VMP1: variants seen among roughly 807,000 people sequenced by gnomAD.
VMP1 encodes vacuole membrane protein 1, also known as ectopic P-granules autophagy protein 3 homolog.
A neutral mutation model predicts 56.0 loss-of-function variants in VMP1; 11 were observed. The ratio of observed to expected loss-of-function variants is 0.20; its 90% CI spans 0.12 to 0.32. VMP1 has a LOEUF of 0.32. Among genes scored for constraint, VMP1 ranks in the 10% least tolerant of loss-of-function variants. The pLI, the probability that VMP1 is intolerant of heterozygous loss-of-function variation, is 1.00. For synonymous variants in VMP1, 149 were observed against 165.0 expected, an observed-to-expected ratio of 0.90 and a Z score of 0.74; for missense variants, 296 against 490.3, an observed-to-expected ratio of 0.60 and a Z score of 3.74.
chr17:59,738,057 T>G (rs767394781), intron 4 of VMP1, among the ~76,000 whole-genome samples: 3 of 152,078 alleles, frequency 2.0e-5, no homozygotes, highest in Non-Finnish European at 4.4e-5. Flanking sequence ...CAGGCCACTC[T>G]GCCTGTAATC....
intron 5 of VMP1, among the ~76,000 whole-genome samples, chr17:59,762,253 GTAAA>G (rs1312932521): frequency 1.3e-4 from 20 of 152,226 alleles, no homozygotes; most frequent in African/African-American, 4.8e-4. Context: ...CTGCTGCTCA[GTAAA>G]TATATAAATT....
rs186244163 is a variant in VMP1, at chr17:59,808,306, A to G, written c.715-490A>G. Among the ~76,000 whole-genome samples the G allele has an allele frequency of 2.6e-5, 4 of 152,374 alleles. No individual in the cohort carries two copies. In the East Asian group the frequency reaches 7.7e-4, roughly 29 times the overall value. The stretch of plus-strand genomic sequence containing the variant: ...AAAATCATGGTGAGAATGTTTTACA[A>G]AACTAGCACAAGCTGTGCAAATGTA... On this transcript the variant is annotated intron_variant, in intron 7 of 11. Coordinates refer to ENST00000262291, the MANE Select transcript of VMP1 (RefSeq NM_030938.5).
intron 7 of VMP1, among the ~76,000 whole-genome samples, chr17:59,793,679 T>C (rs2037320091): frequency 8.7e-6 from 1 of 115,604 alleles, no homozygotes; most frequent in African/African-American, 2.6e-5. Context: ...CAGGCTGAAG[T>C]GCAGTGGCGT....
chr17:59,740,884 C>T (rs530080196), intron 5 of VMP1, among the ~76,000 whole-genome samples: 2 of 152,278 alleles, frequency 1.3e-5, no homozygotes, highest in South Asian at 4.1e-4. Context: ...TGAAAAGCAA[C>T]CCAGATAGCA....
chr17:59,754,335 T>C (rs954427100), intron 5 of VMP1, among the ~76,000 whole-genome samples: 1 of 152,228 alleles, frequency 6.6e-6, no homozygotes, highest in African/African-American at 2.4e-5. Flanking sequence ...GTATAGACAT[T>C]TCTGATACTT....
intron 7 of VMP1, among the ~76,000 whole-genome samples, chr17:59,796,689 C>T (rs148849286): frequency 2.0e-5 from 3 of 152,240 alleles, no homozygotes; most frequent in African/African-American, 7.2e-5. Context: ...ATATTTAAAG[C>T]TATTCATTCC....
At chr17:59,832,182 CTTTTTTTTTTT>C (rs766864144) in intron 10 of VMP1, among the ~76,000 whole-genome samples, 92 of 102,804 alleles carry the variant, frequency 8.9e-4, no homozygotes, top group African/African-American at 3.1e-3. Context: ...ATGAGATCAA[CTTTTTTTTTTT>C]TTTTTTTTTT....
At chr17:59,731,280 A>G (rs1043467000) in intron 1 of VMP1, 141 bp from the exon 2 acceptor site, 5 of 421,352 alleles carry the variant, frequency 1.2e-5, no homozygotes, top group Non-Finnish European at 2.1e-5. Context: ...AATTTTGGTT[A>G]TAAAAGAAAA....
intron 7 of VMP1, among the ~76,000 whole-genome samples, chr17:59,808,038 T>C (rs2037911845): frequency 6.6e-6 from 1 of 152,156 alleles, no homozygotes; most frequent in Non-Finnish European, 1.5e-5. Context: ...AAGTCAAATA[T>C]TTGTAGCATC....
Position 59,789,835 on chromosome 17 carries a change from C to CTTTTTTTTTTTTTT in VMP1, c.714+15959_714+15972dup, listed in dbSNP as rs754631557. Among the ~76,000 whole-genome samples, 42 of 85,978 alleles carry CTTTTTTTTTTTTTT rather than the reference C, an allele frequency of 4.9e-4. 3 individuals are homozygous for CTTTTTTTTTTTTTT. The highest frequency in any genetic ancestry group is 1.3e-3 in the African/African-American group (27 of 20,690). 56.4% of individuals were successfully genotyped at this position (85,978 alleles called of 152,430 possible). A position where few individuals can be genotyped will look rare whatever the true frequency, so the allele number is the denominator to read the frequency against. Reference sequence around the variant, plus strand: ...TTCCTTCCTTCCTTTCTTTCTTTCCCTTTTTTTTTTTTTTTTTTTTTTGAG... The same window carrying CTTTTTTTTTTTTTT: ...TTCCTTCCTTCCTTTCTTTCTTTCCCTTTTTTTTTTTTTTTTTTTTTTTTTTTTTTTTTTTTGAG... On this transcript the variant is annotated intron_variant, in intron 7 of 11. Transcript: ENST00000262291.
chr17:59,718,316 C>G (rs904431525), intron 1 of VMP1, among the ~76,000 whole-genome samples: 1 of 151,274 alleles, frequency 6.6e-6, no homozygotes, highest in African/African-American at 2.4e-5. Context: ...CCTGCCTCAG[C>G]CTCCCAAGTA....
At chr17:59,769,044 C>T (rs1225166936) in intron 6 of VMP1, among the ~76,000 whole-genome samples, 2 of 151,674 alleles carry the variant, frequency 1.3e-5, no homozygotes. Context: ...TTGCTTGAAC[C>T]CGGGAGGCAG....
intron 1 of VMP1, among the ~76,000 whole-genome samples, chr17:59,717,303 A>G (rs995136210): frequency 6.6e-6 from 1 of 152,190 alleles, no homozygotes; most frequent in African/African-American, 2.4e-5. Context: ...ATGTTTTGCT[A>G]AGATTGCATT....
rs151097206 is a variant in VMP1 at position 59,752,041 on chromosome 17, C to T, written c.415-12930C>T. Among the ~76,000 whole-genome samples, 77 of 152,112 alleles carry T rather than the reference C, an allele frequency of 5.1e-4. No homozygotes were observed. In the East Asian group the frequency reaches 0.014, roughly 28 times the overall value. On this transcript the variant is annotated intron_variant, in intron 5 of 11. Transcript: ENST00000262291. ...TTGCCCAGGCTGGTCTCAAACTCCT[C>T]GGTTCAAGAGATCCTCTCGCCTCAG...
At chr17:59,761,864 A>C (rs2036066057) in intron 5 of VMP1, among the ~76,000 whole-genome samples, 2 of 152,050 alleles carry the variant, frequency 1.3e-5, no homozygotes, top group South Asian at 4.2e-4. Context: ...CTGCCTCATA[A>C]ATTCTGACTG....
intron 5 of VMP1, among the ~76,000 whole-genome samples, chr17:59,747,811 C>G (rs988991100): frequency 6.6e-6 from 1 of 151,942 alleles, no homozygotes; most frequent in Non-Finnish European, 1.5e-5. Flanking sequence ...AGGAAGACTA[C>G]TTGAGCCCAG....
intron 9 of VMP1, among the ~76,000 whole-genome samples, chr17:59,817,282 CAAAA>C (rs1209080230): frequency 6.6e-5 from 4 of 60,348 alleles, no homozygotes; most frequent in African/African-American, 1.2e-4. Flanking sequence ...AACTCTGTCT[CAAAA>C]AAAAAAAAAA....
intron 6 of VMP1, among the ~76,000 whole-genome samples, chr17:59,765,406 C>A (rs1488099158): frequency 6.6e-6 from 1 of 152,210 alleles, no homozygotes; most frequent in Non-Finnish European, 1.5e-5. Flanking sequence ...GATGGAACCA[C>A]AGTTGAGCCT....
At chr17:59,727,196 G>A (rs968399763) in intron 1 of VMP1, among the ~76,000 whole-genome samples, 2 of 151,642 alleles carry the variant, frequency 1.3e-5, no homozygotes, top group Non-Finnish European at 2.9e-5. Flanking sequence ...GTGCAGTGGC[G>A]CGATCTCCGC....
Sources: allele counts gnomAD v4.1 joint callset (sites outside exome capture counted in the v4.1 genomes callset), GRCh38; gene constraint gnomAD v4.1.1; transcripts MANE v1.5; gene names NCBI Gene and HGNC (gene_info 2026-07-23, HGNC 2026-07-21).